The following AMN variants were observed in gnomAD, a reference collection of about 807,000 sequenced individuals.
AMN encodes protein amnionless.
A neutral mutation model predicts 49.1 loss-of-function variants in AMN; 40 were observed. The observed-to-expected ratio is 0.81, with a 90% CI of 0.63 to 1.06. The LOEUF is 1.06. AMN is among the 50% of genes least tolerant of loss of function. AMN has a pLI of 0.00. For missense variants in AMN, 701 were observed against 662.8 expected, an observed-to-expected ratio of 1.06 and a Z score of -0.63; for synonymous variants, 380 against 313.3, an observed-to-expected ratio of 1.21 and a Z score of -2.25.
rs570053387 is a variant in AMN at position 102,924,809 on chromosome 14, C to G, written c.207+830C>G. ...TCTGATAAGGCCCCAGAGAAAGAAG[C>G]TAATTTCCTTGTTTAAGGTGGAGTT... On this transcript the variant is annotated intron_variant, in intron 3 of 11. Coordinates refer to ENST00000299155, the MANE Select transcript of AMN (RefSeq NM_030943.4). 3.3e-5 allele frequency among the ~76,000 whole-genome samples: 5 copies of G among 152,322 alleles called. No individual in the cohort carries two copies. In the South Asian group the frequency reaches 6.2e-4, roughly 19 times the overall value.
At chr14:102,924,773 G>C (rs1439313129) in intron 3 of AMN, among the ~76,000 whole-genome samples, 1 of 152,142 alleles carries the variant, frequency 6.6e-6, no homozygotes, top group Non-Finnish European at 1.5e-5. Context: ...GCTTCATCAC[G>C]TATTAAAGGC....
At chr14:102,924,895 T>C (rs1039344182) in intron 3 of AMN, among the ~76,000 whole-genome samples, 1 of 145,058 alleles carries the variant, frequency 6.9e-6, no homozygotes, top group African/African-American at 2.4e-5. Flanking sequence ...TTTTACACTT[T>C]GTAATCGTTG....
intron 1 of AMN, chr14:102,922,961 G>A (rs1035031423): frequency 5.3e-5 from 31 of 580,020 alleles, no homozygotes; most frequent in Non-Finnish European, 6.8e-5. Context: ...GAGGGGCTCC[G>A]GGAACCTCGG....
Position 102,930,476 on chromosome 14 carries a change from A to T in AMN, c.1240A>T (p.Thr414Ser), listed in dbSNP as rs999834788. ...CTTCCGCAACCCGGTGTTCGACGTG[A>T]CGGCCTCCGAGGAGCTGGTGAGGGG... The part of the protein sequence containing the change: ...LGFRNPVFDV[T>S]ASEELPLPRR... The change falls in exon 11 of 12, where the codon ACG becomes TCG. Residue 414 changes from threonine (T) to serine (S), a missense_variant. By Grantham distance (58) the Thr-to-Ser change is moderately conservative (BLOSUM62 1). Transcript: ENST00000299155. 1 of 1,531,956 alleles carries T rather than the reference A, an allele frequency of 6.5e-7. No homozygotes were observed. The highest frequency in any genetic ancestry group is 1.4e-5 in the African/African-American group (1 of 72,208). 94.9% of individuals were successfully genotyped at this position (1,531,956 alleles called of 1,614,324 possible).
intron 3 of AMN, among the ~76,000 whole-genome samples, chr14:102,928,206 G>A (rs1205330223): frequency 6.6e-6 from 1 of 152,242 alleles, no homozygotes; most frequent in Non-Finnish European, 1.5e-5. Flanking sequence ...ACACTGGGCT[G>A]TGCCCGCTTC....
At position 102,923,504 on chromosome 14, in the gene AMN, A is replaced by C. The variant is rs772910954; in HGVS notation, c.44-207A>C. On this transcript the variant is annotated intron_variant, in intron 1 of 11. Coordinates refer to ENST00000299155, the MANE Select transcript of AMN (RefSeq NM_030943.4). ...CGTTTGAGCGGGCTCTGCAGGTATC[A>C]GTAGAAGTCCGTTGGAGAGCGCCCG... The C allele has an allele frequency of 2.0e-3, 1,198 of 591,952 alleles. 1 individual carries two copies. Among genetic ancestry groups the C allele is most frequent in the Non-Finnish European group, 3.0e-3 (997 of 329,736 alleles). 36.7% of individuals were successfully genotyped at this position (591,952 alleles called of 1,614,324 possible).
At chr14:102,929,349 G>A (rs540821624) in intron 6 of AMN, 79 bp from the exon 7 acceptor site, 67 of 1,503,998 alleles carry the variant, frequency 4.5e-5, no homozygotes, top group Non-Finnish European at 5.5e-5. Flanking sequence ...GTCTCTCGCC[G>A]GCTTGCTTCT....
At chr14:102,926,240 T>TCCATTAC (rs1272258413) in intron 3 of AMN, among the ~76,000 whole-genome samples, 4 of 152,228 alleles carry the variant, frequency 2.6e-5, no homozygotes, top group Non-Finnish European at 5.9e-5. Context: ...ACAATGGTAA[T>TCCATTAC]GGACTGTGTA....
chr14:102,929,781 C>T lies in AMN; in HGVS notation c.843+44C>T, dbSNP rs115489959. Reference sequence around the variant, plus strand: ...CAGCTGAGGGGAGTCCCGACCCCAGCCCTACCGCCTCCGCCTAGGACGCCC... The same window carrying T: ...CAGCTGAGGGGAGTCCCGACCCCAGTCCTACCGCCTCCGCCTAGGACGCCC... On this transcript the variant is annotated intron_variant, in intron 8 of 11. Transcript: ENST00000299155. The T allele has an allele frequency of 7.2e-4, 1,118 of 1,546,486 alleles. 9 individuals carry two copies. In the African/African-American group the frequency reaches 0.014, roughly 19 times the overall value.
chr14:102,929,302 G>A (rs1030796143), intron 6 of AMN, 44 bp downstream of exon 6: 2 of 1,445,950 alleles, frequency 1.4e-6, no homozygotes, highest in African/African-American at 1.5e-5. Context: ...CGCGAGGGTC[G>A]GGACTGTGCC....
chr14:102,930,380 A>G lies in AMN; in HGVS notation c.1170-26A>G, dbSNP rs1268097377. 4.0e-6 allele frequency: 6 copies of G among 1,498,244 alleles called. No individual in the cohort carries two copies. In the Admixed American group the frequency reaches 1.3e-4, roughly 32 times the overall value. 92.8% of individuals were successfully genotyped at this position (1,498,244 alleles called of 1,614,324 possible). On this transcript the variant is annotated intron_variant, in intron 10 of 11. Transcript: ENST00000299155. ...GGCTGGGGGTTGCTCCGAGGGGCTC[A>G]CGCTGCGTCCCCGCTACGCCCTCAG...
Position 102,929,918 on chromosome 14 carries a change from C to T in AMN, c.844-6C>T. ...TGAGTCAAACCAACCCCGTCCCCCT[C>T]CCCAGCCTCAGTACCACGGGCTGCA... is the stretch of plus-strand genomic sequence containing the variant. On this transcript the variant is annotated splice_polypyrimidine_tract_variant and splice_region_variant and intron_variant, in intron 8 of 11. Transcript: ENST00000299155. The T allele has an allele frequency of 6.4e-7, 1 of 1,554,998 alleles. No individual in the cohort carries two copies. Among genetic ancestry groups the T allele is most frequent in the Non-Finnish European group, 8.7e-7 (1 of 1,150,024 alleles).
At chr14:102,923,486 G>A (rs1891109163) in intron 1 of AMN, 1 of 556,668 alleles carries the variant, frequency 1.8e-6, no homozygotes, top group African/African-American at 1.9e-5. Context: ...GCGCGTTTGA[G>A]CGGGCTCTGC....
intron 11 of AMN, 40 bp downstream of exon 11, chr14:102,930,533 C>G (rs770113617): frequency 1.3e-6 from 2 of 1,544,804 alleles, no homozygotes; most frequent in Non-Finnish European, 1.7e-6. Flanking sequence ...TCCTCGGGGC[C>G]GGGACTCGGC....
chr14:102,930,461 C>G lies in AMN; in HGVS notation c.1225C>G (p.Pro409Ala), dbSNP rs1178905784. 2.0e-6 allele frequency: 3 copies of G among 1,530,540 alleles called. No individual in the cohort carries two copies. Among genetic ancestry groups the G allele is most frequent in the East Asian group, 2.5e-5 (1 of 40,264 alleles). 94.8% of individuals were successfully genotyped at this position (1,530,540 alleles called of 1,614,324 possible). Residue 409 changes from proline to alanine, a missense_variant, in exon 11 of 12, where the codon CCG becomes GCG. Physicochemically the swap from Pro to Ala is conservative, Grantham distance 27. Coordinates refer to ENST00000299155, the MANE Select transcript of AMN (RefSeq NM_030943.4). ...TGGAGCGCCCCTCGGCTTCCGCAAC[C>G]CGGTGTTCGACGTGACGGCCTCCGA... ...PAGAPLGFRNPVFDVTASEEL... is the reference protein window; with the variant it reads ...PAGAPLGFRNAVFDVTASEEL...
rs1018735335 is a variant in AMN at position 102,930,770 on chromosome 14, A to G, written c.*90A>G. The G allele has an allele frequency of 3.6e-6, 5 of 1,381,586 alleles. No homozygotes were observed. The highest frequency in any genetic ancestry group is 1.4e-5 in the African/African-American group (1 of 69,874). The allele number at this position is 1,381,586 out of a possible 1,614,324, so 85.6% of individuals were successfully genotyped here. The stretch of plus-strand genomic sequence containing the variant: ...AGCCACCTCCTCGTCCAGCCCCCAA[A>G]CCTCCCCTTCCTTTCCCCCTCCTCC... On this transcript the variant is annotated 3_prime_UTR_variant, in exon 12 of 12. Coordinates refer to ENST00000299155, the MANE Select transcript of AMN (RefSeq NM_030943.4).
Position 102,929,657 on chromosome 14 carries a change from G to A in AMN, c.763G>A (p.Ala255Thr). The A allele has an allele frequency of 1.9e-6, 3 of 1,549,432 alleles. No homozygotes were observed. Among genetic ancestry groups the A allele is most frequent in the Non-Finnish European group, 2.6e-6 (3 of 1,146,968 alleles). Residue 255 changes from alanine (A) to threonine (T), a missense_variant and splice_region_variant, in exon 8 of 12, where the codon GCC becomes ACC. Physicochemically the swap from Ala to Thr is moderately conservative, Grantham distance 58. Coordinates refer to ENST00000299155, the MANE Select transcript of AMN (RefSeq NM_030943.4). ...TGACCCCTGCCCTCCCGCCGCAGGA[G>A]CCGTTGTGTTGCTGACCCACGGCCC... ...PQGQCCDLCG[A>T]VVLLTHGPAF... is the part of the protein sequence containing the mutation.
Position 102,922,676 on chromosome 14 carries a change from G to A in AMN, c.-13G>A, listed in dbSNP as rs972340659. 1 of 1,598,654 alleles carries A rather than the reference G, an allele frequency of 6.3e-7. No individual in the cohort carries two copies. On this transcript the variant is annotated 5_prime_UTR_variant, in exon 1 of 12. Transcript: ENST00000299155. ...GCAAAGTCTCCTGGTGGGGTGCAAG[G>A]AGCCGAGGCGAGATGGGCGTCCTGG...
In AMN at chr14:102,923,679, G is replaced by C. The variant is rs914084674; in HGVS notation, c.44-32G>C. ...CCCTGAGAAGGGAGCATCCCGGAGA[G>C]CATCCCGGGCACTCAGTCGCCTCCT... is the stretch of plus-strand genomic sequence containing the variant. On this transcript the variant is annotated intron_variant, in intron 1 of 11. Coordinates refer to ENST00000299155, the MANE Select transcript of AMN (RefSeq NM_030943.4). The C allele has an allele frequency of 8.9e-6, 14 of 1,575,470 alleles. No homozygotes were observed. The African/African-American group carries it at 1.1e-4, about 12-fold the overall frequency.
Sources: allele counts gnomAD v4.1 joint callset (sites outside exome capture counted in the v4.1 genomes callset), GRCh38; gene constraint gnomAD v4.1.1; transcripts MANE v1.5; gene names NCBI Gene and HGNC (gene_info 2026-07-23, HGNC 2026-07-21).